ANKIB1: variants seen among roughly 807,000 people sequenced by gnomAD.
ANKIB1 encodes the protein ankyrin repeat and IBR domain containing 1.
ANKIB1 carries 43 observed loss-of-function variants against 122.1 expected under a neutral mutation model. The observed-to-expected ratio is 0.35, with a 90% CI of 0.28 to 0.45. The LOEUF is 0.45. Among genes scored for constraint, ANKIB1 ranks in the 20% least tolerant of loss-of-function variants. ANKIB1 has a pLI of 1.00. For missense variants in ANKIB1, 992 were observed against 1,329.5 expected, an observed-to-expected ratio of 0.75 and a Z score of 3.95; for synonymous variants, 390 against 442.0, an observed-to-expected ratio of 0.88 and a Z score of 1.48.
intron 7 of ANKIB1, among the ~76,000 whole-genome samples, chr7:92,347,640 G>A (rs1377556827): frequency 6.6e-6 from 1 of 152,114 alleles, no homozygotes; most frequent in East Asian, 1.9e-4. Flanking sequence ...CGACAGATTA[G>A]ATAGAAATTA....
intron 2 of ANKIB1, among the ~76,000 whole-genome samples, chr7:92,297,416 C>T (rs1305468855): frequency 1.3e-5 from 2 of 152,180 alleles, no homozygotes; most frequent in African/African-American, 2.4e-5. Context: ...AACAATTAAA[C>T]AGTTAATGTG....
intron 1 of ANKIB1, among the ~76,000 whole-genome samples, chr7:92,248,138 T>G (rs1215973427): frequency 1.3e-5 from 2 of 152,198 alleles, no homozygotes; most frequent in African/African-American, 4.8e-5. Context: ...GGGCGCTATC[T>G]TGGAGAAGTC....
At chr7:92,330,841 CAAAACA>C (rs1253220717) in intron 5 of ANKIB1, among the ~76,000 whole-genome samples, 6 of 151,342 alleles carry the variant, frequency 4.0e-5, no homozygotes, top group African/African-American at 1.2e-4. Flanking sequence ...GACTCTGTCT[CAAAACA>C]AAAACAAAAA....
intron 11 of ANKIB1, among the ~76,000 whole-genome samples, chr7:92,377,068 T>G (rs985820865): frequency 1.3e-5 from 2 of 152,226 alleles, no homozygotes; most frequent in Admixed American, 6.5e-5. Flanking sequence ...TTTGGCTAAC[T>G]GACACAAGAA....
chr7:92,291,532 T>C (rs1802248350), intron 1 of ANKIB1, among the ~76,000 whole-genome samples: 1 of 151,876 alleles, frequency 6.6e-6, no homozygotes, highest in Admixed American at 6.6e-5. Context: ...AGTAAAGCTT[T>C]CTGGAGTCCA....
chr7:92,266,636 G>C lies in ANKIB1; in HGVS notation c.-91+20117G>C, dbSNP rs181225001. Among the ~76,000 whole-genome samples the C allele has an allele frequency of 5.9e-5, 9 of 152,316 alleles. No individual in the cohort carries two copies. In the East Asian group the frequency reaches 1.7e-3, roughly 29 times the overall value. On this transcript the variant is annotated intron_variant, in intron 1 of 19. Coordinates refer to ENST00000265742, the MANE Select transcript of ANKIB1 (RefSeq NM_019004.2). ...ACCAGCGGAACTCACTGGGGGCACT[G>C]TGTACTGCCTGGAAAGCTATCTTCT...
At chr7:92,348,176 C>T (rs1214136060) in intron 7 of ANKIB1, among the ~76,000 whole-genome samples, 1 of 151,980 alleles carries the variant, frequency 6.6e-6, no homozygotes, top group Non-Finnish European at 1.5e-5. Context: ...AATTTAATTC[C>T]CCAGAGATGA....
At chr7:92,253,495 T>C (rs1386416771) in intron 1 of ANKIB1, among the ~76,000 whole-genome samples, 1 of 152,210 alleles carries the variant, frequency 6.6e-6, no homozygotes, top group Non-Finnish European at 1.5e-5. Flanking sequence ...TCTGGTAGTC[T>C]TCCCAACATG....
chr7:92,321,918 G>A (rs144206155), intron 4 of ANKIB1, among the ~76,000 whole-genome samples: 1 of 152,262 alleles, frequency 6.6e-6, no homozygotes, highest in Non-Finnish European at 1.5e-5. Flanking sequence ...CCTTCACATG[G>A]TTATTTAATC....
intron 5 of ANKIB1, among the ~76,000 whole-genome samples, chr7:92,329,726 G>A (rs1470226342): frequency 5.3e-5 from 8 of 152,088 alleles, no homozygotes; most frequent in Admixed American, 5.2e-4. Context: ...TTAGTCCTCT[G>A]TCTCTCTTAT....
At chr7:92,303,605 A>G (rs1802496430) in intron 2 of ANKIB1, among the ~76,000 whole-genome samples, 1 of 152,200 alleles carries the variant, frequency 6.6e-6, no homozygotes, top group African/African-American at 2.4e-5. Flanking sequence ...GTAACGGGGT[A>G]GGAAGTAGAG....
intron 5 of ANKIB1, among the ~76,000 whole-genome samples, chr7:92,340,224 G>T (rs1803406944): frequency 6.6e-6 from 1 of 152,126 alleles, no homozygotes; most frequent in Admixed American, 6.5e-5. Flanking sequence ...GTCTAAGTAA[G>T]ACTACCTGTT....
In ANKIB1 at chr7:92,387,490, C is replaced by T. The variant is rs183382321; in HGVS notation, c.1753-308C>T. Among the ~76,000 whole-genome samples, 988 of 151,912 alleles carry T rather than the reference C, an allele frequency of 6.5e-3. 7 individuals carry two copies. The highest frequency in any genetic ancestry group is 0.017 in the Middle Eastern group (5 of 294). Reference sequence around the variant, plus strand: ...ATCTCTACTAAAAATACAAAAATTACCCAGGCATGGTGGTGGGCTCCTGTA... The same window carrying T: ...ATCTCTACTAAAAATACAAAAATTATCCAGGCATGGTGGTGGGCTCCTGTA... On this transcript the variant is annotated intron_variant, in intron 12 of 19. Coordinates refer to ENST00000265742, the MANE Select transcript of ANKIB1 (RefSeq NM_019004.2).
At chr7:92,356,069 A>T (rs1360839704) in intron 9 of ANKIB1, among the ~76,000 whole-genome samples, 1 of 152,184 alleles carries the variant, frequency 6.6e-6, no homozygotes, top group Non-Finnish European at 1.5e-5. Flanking sequence ...TACAATGTAC[A>T]GACTTTTCAA....
chr7:92,333,586 G>A (rs1252822443), intron 5 of ANKIB1, among the ~76,000 whole-genome samples: 1 of 152,086 alleles, frequency 6.6e-6, no homozygotes, highest in African/African-American at 2.4e-5. Flanking sequence ...TTTTTTGGTG[G>A]TGTTTACGTG....
intron 4 of ANKIB1, among the ~76,000 whole-genome samples, chr7:92,326,617 T>C (rs1803032801): frequency 6.6e-6 from 1 of 152,174 alleles, no homozygotes; most frequent in African/African-American, 2.4e-5. Flanking sequence ...CTAGAATGAG[T>C]AGTACTAATT....
At chr7:92,356,180 A>G (rs1803809739) in intron 9 of ANKIB1, among the ~76,000 whole-genome samples, 1 of 152,164 alleles carries the variant, frequency 6.6e-6, no homozygotes, top group Non-Finnish European at 1.5e-5. Context: ...AGTTGCATGC[A>G]TCATCTCCCT....
At chr7:92,364,674 G>T (rs1011170845) in intron 10 of ANKIB1, among the ~76,000 whole-genome samples, 1 of 152,180 alleles carries the variant, frequency 6.6e-6, no homozygotes, top group African/African-American at 2.4e-5. Context: ...GGTAGGTGTT[G>T]CCAGATTGTG....
chr7:92,254,848 A>G (rs2131875194), intron 1 of ANKIB1, among the ~76,000 whole-genome samples: 1 of 152,276 alleles, frequency 6.6e-6, no homozygotes, highest in Admixed American at 6.5e-5. Flanking sequence ...TGGTTTGGCT[A>G]TGTCCCCACC....
Sources: allele counts gnomAD v4.1 joint callset (sites outside exome capture counted in the v4.1 genomes callset), GRCh38; gene constraint gnomAD v4.1.1; transcripts MANE v1.5; gene names NCBI Gene and HGNC (gene_info 2026-07-23, HGNC 2026-07-21).